The following HERC4 variants were observed in gnomAD, a reference collection of about 807,000 sequenced individuals.
HERC4 encodes the protein HECT and RLD domain containing E3 ubiquitin protein ligase 4, also known as probable E3 ubiquitin-protein ligase HERC4.
HERC4 carries 28 observed loss-of-function variants against 124.3 expected under a neutral mutation model. That is an observed-to-expected ratio of 0.23 (90% confidence interval 0.17 to 0.31). The LOEUF (loss-of-function observed/expected upper bound fraction) is 0.31, where lower values mean the gene tolerates loss of function less well. HERC4 is among the 10% of genes least tolerant of loss of function. HERC4 has a pLI of 1.00. For synonymous variants in HERC4, 407 were observed against 421.5 expected (o/e 0.97, Z 0.42); for missense variants, 713 against 1,229.3 (o/e 0.58, Z 6.28).
At chr10:68,028,791 CAT>C (rs1339488912) in intron 7 of HERC4, among the ~76,000 whole-genome samples, 2 of 152,162 alleles carry the variant, frequency 1.3e-5, no homozygotes, top group African/African-American at 4.8e-5. Flanking sequence ...AGCTGAAAAT[CAT>C]AGTTTATAAT....
chr10:67,927,422 ATATATATATTTTT>A (rs2031214266), intron 23 of HERC4, among the ~76,000 whole-genome samples: 1 of 7,204 alleles, frequency 1.4e-4, no homozygotes, highest in African/African-American at 4.4e-4. Flanking sequence ...ATATATATAT[ATATATATATTTTT>A]TTTTTTTTTT....
At chr10:67,977,032 T>C (rs1295058921) in intron 15 of HERC4, among the ~76,000 whole-genome samples, 1 of 152,146 alleles carries the variant, frequency 6.6e-6, no homozygotes, top group African/African-American at 2.4e-5. Context: ...CCAGAGCCAG[T>C]GAGCTGGAGA....
At chr10:67,986,676 A>G (rs1316706487) in intron 15 of HERC4, among the ~76,000 whole-genome samples, 1 of 152,148 alleles carries the variant, frequency 6.6e-6, no homozygotes, top group Non-Finnish European at 1.5e-5. Flanking sequence ...AATGTAAACA[A>G]TACATAAATC....
At chr10:68,056,946 T>C (rs1296704773) in intron 3 of HERC4, among the ~76,000 whole-genome samples, 6 of 152,236 alleles carry the variant, frequency 3.9e-5, no homozygotes, top group African/African-American at 1.4e-4. Context: ...ATTTAAGGTC[T>C]GAACCCAAGT....
rs11817849 is a variant in HERC4 at position 67,958,528 on chromosome 10, C to T, written c.1927-1552G>A. 3.3e-3 allele frequency among the ~76,000 whole-genome samples: 500 copies of T among 152,238 alleles called. 1 individual carries two copies. The highest frequency in any genetic ancestry group is 0.011 in the African/African-American group (476 of 41,556). On this transcript the variant is annotated intron_variant, in intron 16 of 24. Transcript: ENST00000373700. ...ACATAGCAACCAACAAAATGCAAAT[C>T]AAAGCAAAACCTGACATCTATAACG...
At chr10:68,031,453 A>C (rs1225110952) in intron 7 of HERC4, among the ~76,000 whole-genome samples, 1 of 152,208 alleles carries the variant, frequency 6.6e-6, no homozygotes, top group Non-Finnish European at 1.5e-5. Context: ...TCTGAATGCC[A>C]AAATCAATAA....
rs556224272 is a variant in HERC4, at chr10:68,062,845, C to A, written c.226+10038G>T. 2.0e-5 allele frequency among the ~76,000 whole-genome samples: 3 copies of A among 152,268 alleles called. No individual in the cohort carries two copies. The South Asian group carries it at 6.2e-4, about 32-fold the overall frequency. On this transcript the variant is annotated intron_variant, in intron 3 of 24. Transcript: ENST00000373700. ...CCAATTTCTCTCCCTTTCAACCTTT[C>A]CTTTATAAATCCATGGTAATTCCCA...
intron 9 of HERC4, among the ~76,000 whole-genome samples, chr10:68,012,272 T>C (rs1475824971): frequency 6.6e-6 from 1 of 152,222 alleles, no homozygotes; most frequent in Admixed American, 6.5e-5. Flanking sequence ...TTTTAATTCC[T>C]TTAAGTTGCA....
chr10:67,960,034 G>C (rs1456537920), intron 16 of HERC4, among the ~76,000 whole-genome samples: 1 of 152,212 alleles, frequency 6.6e-6, no homozygotes, highest in Admixed American at 6.5e-5. Flanking sequence ...GAGTGTCTTT[G>C]TTTGCCTGGC....
chr10:68,065,512 T>A (rs2041255957), intron 3 of HERC4, among the ~76,000 whole-genome samples: 1 of 152,016 alleles, frequency 6.6e-6, no homozygotes, highest in African/African-American at 2.4e-5. Context: ...TCTAGGCAAA[T>A]AAAACTTATG....
At chr10:68,051,449 A>T (rs1219031190) in intron 3 of HERC4, among the ~76,000 whole-genome samples, 1 of 143,020 alleles carries the variant, frequency 7.0e-6, no homozygotes, top group African/African-American at 2.6e-5. Flanking sequence ...GGTTCGCGCC[A>T]TTCTCCTGCC....
At chr10:67,943,747 A>G (rs1453384752) in intron 19 of HERC4, among the ~76,000 whole-genome samples, 1 of 152,214 alleles carries the variant, frequency 6.6e-6, no homozygotes, top group Non-Finnish European at 1.5e-5. Flanking sequence ...GGTCCAGAAC[A>G]CTACTAAAAC....
At chr10:68,017,492 TA>T (rs1284469670) in intron 8 of HERC4, among the ~76,000 whole-genome samples, 1 of 152,236 alleles carries the variant, frequency 6.6e-6, no homozygotes, top group African/African-American at 2.4e-5. Flanking sequence ...TTTATTTATT[TA>T]TTTTTTTGAG....
chr10:67,972,861 A>T, intron 15 of HERC4, among the ~76,000 whole-genome samples: 1 of 152,200 alleles, frequency 6.6e-6, no homozygotes, highest in East Asian at 1.9e-4. Flanking sequence ...TTTGCTATAA[A>T]TGAGGAAATT....
rs1400003552 is a variant in HERC4, at chr10:67,941,103, T to A, written c.2340A>T (p.Thr780=). 6.5e-7 allele frequency: 1 copy of A among 1,532,630 alleles called. No individual in the cohort carries two copies. Among genetic ancestry groups the A allele is most frequent in the South Asian group, 1.3e-5 (1 of 75,578 alleles). 94.9% of individuals were successfully genotyped at this position (1,532,630 alleles called of 1,614,324 possible). The change falls in exon 20 of 25, where the codon ACA becomes ACT. Residue 780 remains threonine, a splice_region_variant and synonymous_variant. Transcript: ENST00000373700. ...DSRLIWFSDK[T]FEDSDLFHLI... is the part of the protein sequence containing the mutation. ...AATGGAACAAATCACTGTCTTCAAATGTCTAAAAATATAAGAAAAAGTAAA... is the reference window on the plus strand; with the variant it reads ...AATGGAACAAATCACTGTCTTCAAAAGTCTAAAAATATAAGAAAAAGTAAA...
At chr10:67,931,461 G>T (rs1354378377) in intron 23 of HERC4, among the ~76,000 whole-genome samples, 1 of 152,048 alleles carries the variant, frequency 6.6e-6, no homozygotes, top group Non-Finnish European at 1.5e-5. Flanking sequence ...TTTGGCTAGG[G>T]CTTTTTTTTG....
At chr10:67,993,483 A>G (rs1409583307) in intron 9 of HERC4, 1 of 151,982 alleles carries the variant, frequency 6.6e-6, no homozygotes, top group Admixed American at 6.6e-5. Context: ...ATCTGTGACT[A>G]GCCACTGCAC....
intron 15 of HERC4, among the ~76,000 whole-genome samples, chr10:67,986,020 A>T (rs1279243582): frequency 2.0e-5 from 3 of 152,232 alleles, no homozygotes; most frequent in Non-Finnish European, 2.9e-5. Flanking sequence ...TGAATAAACA[A>T]GTTTTGATAG....
Position 67,988,983 on chromosome 10 carries a change from AT to A in HERC4, c.1634-149del, listed in dbSNP as rs559376203. 1,944 of 618,624 alleles carry A rather than the reference AT, an allele frequency of 3.1e-3. 9 individuals carry two copies. The highest frequency in any genetic ancestry group is 4.9e-3 in the Non-Finnish European group (1,741 of 357,236). 38.3% of individuals were successfully genotyped at this position (618,624 alleles called of 1,614,324 possible). On this transcript the variant is annotated intron_variant, in intron 14 of 24. Coordinates refer to ENST00000373700, the MANE Select transcript of HERC4 (RefSeq NM_015601.4). ...CATATAACACAATATCTTATGTAACATTTGTAAGGTTTATAAACCTCCCCCC... is the reference window on the plus strand; with the variant it reads ...CATATAACACAATATCTTATGTAACATTGTAAGGTTTATAAACCTCCCCCC...
Sources: gnomAD v4.1 joint callset for allele counts (sites outside exome capture counted in the v4.1 genomes callset) on GRCh38, gnomAD v4.1.1 for gene constraint, MANE v1.5 for transcripts, NCBI Gene and HGNC (gene_info 2026-07-23, HGNC 2026-07-21) for gene names.